KIF13B: variants seen among roughly 807,000 people sequenced by gnomAD.
KIF13B encodes kinesin family member 13B, also known as kinesin-like protein KIF13B.
In KIF13B, 127 loss-of-function variants were observed where a neutral mutation model predicts 222.0. That is an observed-to-expected ratio of 0.57 (90% confidence interval 0.50 to 0.66). KIF13B has a LOEUF of 0.66. Among genes scored for constraint, KIF13B ranks in the 30% least tolerant of loss-of-function variants. The pLI, the probability that KIF13B is intolerant of heterozygous loss-of-function variation, is 0.00. For missense variants in KIF13B, 2,173 were observed against 2,379.0 expected (o/e 0.91, Z 1.80); for synonymous variants, 976 against 919.0 (o/e 1.06, Z -1.12).
chr8:29,086,104 G>C (rs1808040865), intron 37 of KIF13B, among the ~76,000 whole-genome samples: 1 of 152,050 alleles, frequency 6.6e-6, no homozygotes, highest in Admixed American at 6.6e-5. Flanking sequence ...AATCATTTTT[G>C]ATGTTATTCT....
At chr8:29,189,303 T>A (rs1188372514) in intron 4 of KIF13B, 2 of 150,586 alleles carry the variant, frequency 1.3e-5, no homozygotes, top group African/African-American at 4.9e-5. Flanking sequence ...TTTTTTTTAA[T>A]ACCAGTTAAC....
intron 2 of KIF13B, among the ~76,000 whole-genome samples, chr8:29,220,692 C>G (rs1002121606): frequency 1.3e-5 from 2 of 151,882 alleles, no homozygotes; most frequent in Non-Finnish European, 2.9e-5. Context: ...AACATACACA[C>G]CAATGTCAAC....
At chr8:29,194,266 C>A (rs1360631795) in intron 3 of KIF13B, among the ~76,000 whole-genome samples, 2 of 150,680 alleles carry the variant, frequency 1.3e-5, no homozygotes, top group African/African-American at 2.4e-5. Context: ...TTCTAAATGG[C>A]ACTCTCCTCT....
chr8:29,197,052 A>G (rs932751311), intron 2 of KIF13B, among the ~76,000 whole-genome samples: 1 of 152,034 alleles, frequency 6.6e-6, no homozygotes, highest in Non-Finnish European at 1.5e-5. Context: ...AAATAACTCA[A>G]TATGGCCGGG....
At chr8:29,255,339 G>C (rs1327911343) in intron 1 of KIF13B, among the ~76,000 whole-genome samples, 1 of 152,134 alleles carries the variant, frequency 6.6e-6, no homozygotes, top group African/African-American at 2.4e-5. Flanking sequence ...TCAATAGATA[G>C]AAAATACAGT....
At chr8:29,199,574 CAAAAAAAAAAA>C (rs10579222) in intron 2 of KIF13B, among the ~76,000 whole-genome samples, 4 of 119,456 alleles carry the variant, frequency 3.3e-5, no homozygotes, top group African/African-American at 1.3e-4. Flanking sequence ...TTCCAAAATC[CAAAAAAAAAAA>C]AAAAAAAAAA....
chr8:29,149,665 T>C (rs1811214534), intron 15 of KIF13B, among the ~76,000 whole-genome samples: 1 of 152,208 alleles, frequency 6.6e-6, no homozygotes, highest in Non-Finnish European at 1.5e-5. Flanking sequence ...AGTGCAGCTA[T>C]GGTTCTCCTT....
intron 8 of KIF13B, 127 bp from the exon 9 acceptor site, chr8:29,177,705 C>T: frequency 1.4e-6 from 1 of 690,810 alleles, no homozygotes; most frequent in Non-Finnish European, 2.6e-6. Context: ...ATTTCAAAAA[C>T]AGCCTGGGCA....
intron 18 of KIF13B, 49 bp downstream of exon 18, chr8:29,146,329 G>C (rs777779978): frequency 1.3e-6 from 2 of 1,586,526 alleles, no homozygotes; most frequent in South Asian, 2.2e-5. Context: ...AATATCAGGC[G>C]ATCTTATCCA....
intron 2 of KIF13B, among the ~76,000 whole-genome samples, chr8:29,238,045 AG>A (rs1185020639): frequency 6.6e-6 from 1 of 152,218 alleles, no homozygotes; most frequent in Non-Finnish European, 1.5e-5. Flanking sequence ...ACTCTATTTG[AG>A]GAGAAATATT....
chr8:29,162,872 T>G (rs1423657270), intron 12 of KIF13B, among the ~76,000 whole-genome samples: 1 of 152,218 alleles, frequency 6.6e-6, no homozygotes, highest in Non-Finnish European at 1.5e-5. Context: ...ACTTTTCCTA[T>G]AAAATGTCGG....
intron 8 of KIF13B, 73 bp downstream of exon 8, chr8:29,180,031 C>G: frequency 6.5e-7 from 1 of 1,550,366 alleles, no homozygotes; most frequent in Non-Finnish European, 8.8e-7. Flanking sequence ...TCATCTAACA[C>G]CTGAAGAGGA....
At chr8:29,142,916 C>T (rs753092967) in intron 18 of KIF13B, among the ~76,000 whole-genome samples, 8 of 152,084 alleles carry the variant, frequency 5.3e-5, no homozygotes, top group Non-Finnish European at 4.4e-5. Flanking sequence ...TGCAGTGGCA[C>T]GTCATAGCTC....
At chr8:29,087,743 G>T (rs955967179) in intron 37 of KIF13B, among the ~76,000 whole-genome samples, 1 of 152,054 alleles carries the variant, frequency 6.6e-6, no homozygotes, top group Non-Finnish European at 1.5e-5. Flanking sequence ...AAGCACCCTG[G>T]CGAGACAACT....
intron 26 of KIF13B, among the ~76,000 whole-genome samples, chr8:29,124,933 C>G (rs1810042162): frequency 6.6e-6 from 1 of 151,588 alleles, no homozygotes; most frequent in African/African-American, 2.4e-5. Context: ...ACCTTTCATG[C>G]CAACTACTTG....
At chr8:29,077,492 G>C (rs1231784246) in intron 37 of KIF13B, among the ~76,000 whole-genome samples, 1 of 152,238 alleles carries the variant, frequency 6.6e-6, no homozygotes, top group Non-Finnish European at 1.5e-5. Flanking sequence ...CAAAATACTT[G>C]CATTCTTCAC....
At chr8:29,218,609 G>A (rs1814599869) in intron 2 of KIF13B, among the ~76,000 whole-genome samples, 1 of 152,094 alleles carries the variant, frequency 6.6e-6, no homozygotes, top group South Asian at 2.1e-4. Context: ...TTAATAGAAT[G>A]GCACGGCTAA....
intron 38 of KIF13B, among the ~76,000 whole-genome samples, chr8:29,073,111 G>A (rs1250951145): frequency 8.3e-6 from 1 of 120,034 alleles, no homozygotes; most frequent in African/African-American, 3.3e-5. Context: ...GGACGAGGAG[G>A]GGGACGAGGA....
intron 7 of KIF13B, among the ~76,000 whole-genome samples, chr8:29,181,347 T>G (rs1318402131): frequency 1.3e-5 from 2 of 152,188 alleles, no homozygotes; most frequent in African/African-American, 4.8e-5. Flanking sequence ...ATTCACACTT[T>G]CAAATGTATA....
Sources: allele counts gnomAD v4.1 joint callset (sites outside exome capture counted in the v4.1 genomes callset), GRCh38; gene constraint gnomAD v4.1.1; transcripts MANE v1.5; gene names NCBI Gene and HGNC (gene_info 2026-07-23, HGNC 2026-07-21).